SCD5: variants seen among roughly 807,000 people sequenced by gnomAD.
SCD5 encodes acyl-CoA-desaturase 4.
In SCD5, 20 loss-of-function variants were observed where a neutral mutation model predicts 30.4. The observed-to-expected ratio is 0.66, with a 90% CI of 0.46 to 0.96. The LOEUF is 0.96. SCD5 is among the 40% of genes least tolerant of loss of function. The pLI is 0.00. For synonymous variants in SCD5, 173 were observed against 176.4 expected (o/e 0.98, Z 0.16); for missense variants, 381 against 443.3 (o/e 0.86, Z 1.26).
intron 1 of SCD5, among the ~76,000 whole-genome samples, chr4:82,760,128 A>G (rs1257856773): frequency 6.6e-6 from 1 of 152,180 alleles, no homozygotes; most frequent in African/African-American, 2.4e-5. Flanking sequence ...AGCATCCTAC[A>G]GCATTATTTT....
chr4:82,678,534 T>C (rs1728484331), intron 3 of SCD5, among the ~76,000 whole-genome samples: 1 of 152,220 alleles, frequency 6.6e-6, no homozygotes, highest in Non-Finnish European at 1.5e-5. Flanking sequence ...CAAAGTATTA[T>C]TAATTATATA....
intron 1 of SCD5, among the ~76,000 whole-genome samples, chr4:82,759,648 TAAAAA>T (rs70938309): frequency 3.2e-5 from 4 of 125,580 alleles, no homozygotes; most frequent in African/African-American, 1.2e-4. Context: ...AACCCCGTCT[TAAAAA>T]AAAAAAAAAA....
At chr4:82,694,017 C>T (rs1240784865) in intron 2 of SCD5, among the ~76,000 whole-genome samples, 2 of 152,208 alleles carry the variant, frequency 1.3e-5, no homozygotes, top group Non-Finnish European at 2.9e-5. Flanking sequence ...TGGGATGGCC[C>T]ATCTCACACT....
chr4:82,671,958 T>A (rs1256074216), intron 3 of SCD5, among the ~76,000 whole-genome samples: 4 of 151,892 alleles, frequency 2.6e-5, no homozygotes, highest in African/African-American at 9.7e-5. Context: ...AAATAACACA[T>A]GGGCCAAGAA....
chr4:82,772,225 G>C (rs1265926705), intron 1 of SCD5, among the ~76,000 whole-genome samples: 2 of 152,196 alleles, frequency 1.3e-5, no homozygotes, highest in Non-Finnish European at 2.9e-5. Flanking sequence ...GAGAATACAG[G>C]AGAAAGAACA....
At chr4:82,701,644 G>A (rs1028180956) in intron 2 of SCD5, among the ~76,000 whole-genome samples, 3 of 152,212 alleles carry the variant, frequency 2.0e-5, no homozygotes, top group East Asian at 1.9e-4. Context: ...TGTGAACTTC[G>A]AGAAGTCACT....
chr4:82,679,393 G>C (rs1417357883), intron 3 of SCD5, among the ~76,000 whole-genome samples: 1 of 152,084 alleles, frequency 6.6e-6, no homozygotes, highest in Non-Finnish European at 1.5e-5. Flanking sequence ...ACCTAAAAGA[G>C]CTGTATTGAG....
chr4:82,745,685 CT>C (rs1720968145), intron 1 of SCD5, among the ~76,000 whole-genome samples: 1 of 152,168 alleles, frequency 6.6e-6, no homozygotes, highest in South Asian at 2.1e-4. Flanking sequence ...GATTTTTAAA[CT>C]TTGTGTTGGT....
chr4:82,776,363 G>A (rs1339867650), intron 1 of SCD5, among the ~76,000 whole-genome samples: 2 of 152,054 alleles, frequency 1.3e-5, no homozygotes, highest in Non-Finnish European at 2.9e-5. Flanking sequence ...AGATCATTTC[G>A]GCATCTGTGA....
intron 1 of SCD5, among the ~76,000 whole-genome samples, chr4:82,705,749 C>G (rs556710025): frequency 6.6e-6 from 1 of 152,220 alleles, no homozygotes; most frequent in East Asian, 1.9e-4. Context: ...CATACACTCT[C>G]GGCAGGGCAG....
At chr4:82,765,936 G>T (rs182391656) in intron 1 of SCD5, among the ~76,000 whole-genome samples, 38 of 152,180 alleles carry the variant, frequency 2.5e-4, no homozygotes, top group Non-Finnish European at 4.9e-4. Flanking sequence ...AAATATTTTT[G>T]ATCTGCAGTT....
intron 1 of SCD5, among the ~76,000 whole-genome samples, chr4:82,786,804 A>C (rs574505469): frequency 1.5e-4 from 22 of 151,672 alleles, no homozygotes; most frequent in African/African-American, 5.3e-4. Flanking sequence ...AAAAAAAAAA[A>C]AAAAAAACAA....
chr4:82,769,223 G>A (rs1721563326), intron 1 of SCD5, among the ~76,000 whole-genome samples: 1 of 152,144 alleles, frequency 6.6e-6, no homozygotes, highest in Non-Finnish European at 1.5e-5. Flanking sequence ...CTGAGATTGT[G>A]AGGGCAATGC....
At chr4:82,795,883 T>A (rs1722201834) in intron 1 of SCD5, among the ~76,000 whole-genome samples, 1 of 148,840 alleles carries the variant, frequency 6.7e-6, no homozygotes. Context: ...TTGTTTGGAC[T>A]GTTTCTAAGT....
chr4:82,720,435 C>CAAAAAA (rs1720343333), intron 1 of SCD5, among the ~76,000 whole-genome samples: 1 of 14,396 alleles, frequency 6.9e-5, no homozygotes, highest in African/African-American at 7.8e-4. Flanking sequence ...TCAAAAAAGG[C>CAAAAAA]AAAAATAAAA....
chr4:82,703,654 C>A (rs1330850182), intron 2 of SCD5, among the ~76,000 whole-genome samples: 1 of 151,856 alleles, frequency 6.6e-6, no homozygotes, highest in Non-Finnish European at 1.5e-5. Context: ...CTTAGGTTTT[C>A]AAATTTTGAG....
intron 1 of SCD5, among the ~76,000 whole-genome samples, chr4:82,731,277 C>T (rs545404622): frequency 1.3e-5 from 2 of 152,300 alleles, no homozygotes; most frequent in East Asian, 3.9e-4. Context: ...CGGAACACAG[C>T]TGCTGGGTCA....
rs774735057 is a variant in SCD5 at position 82,798,485 on chromosome 4, T to C, written c.53A>G (p.Glu18Gly). The change falls in exon 1 of 5, where the codon GAA (glutamate) becomes GGA (glycine). Residue 18 changes from glutamate (E) to glycine (G), a missense_variant. Transcript: ENST00000319540. ...GCTTTCGAGCCCGGCACGGATTTCT[T>C]CCTTGGCGTCGCAGAAAGGGATCTT... ...AGKIPFCDAK[E>G]EIRAGLESSE... The C allele has an allele frequency of 1.2e-6, 2 of 1,611,546 alleles. No individual in the cohort carries two copies. The highest frequency in any genetic ancestry group is 2.2e-5 in the South Asian group (2 of 90,564).
chr4:82,705,435 A>T, intron 1 of SCD5, 22 bp from the exon 2 acceptor site: 1 of 1,613,854 alleles, frequency 6.2e-7, no homozygotes, highest in Non-Finnish European at 8.5e-7. Flanking sequence ...AAGCAGGGAC[A>T]ACGTCAACAA....
Sources: gnomAD v4.1 joint callset for allele counts (sites outside exome capture counted in the v4.1 genomes callset) on GRCh38, gnomAD v4.1.1 for gene constraint, MANE v1.5 for transcripts, NCBI Gene and HGNC (gene_info 2026-07-23, HGNC 2026-07-21) for gene names.